Variants in AVEN observed in about 807,000 individuals in gnomAD.
AVEN encodes cell death regulator Aven.
AVEN carries 41 observed loss-of-function variants against 38.1 expected under a neutral mutation model. The ratio of observed to expected loss-of-function variants is 1.08; its 90% CI spans 0.84 to 1.40. The LOEUF is 1.40. Among genes scored for constraint, AVEN ranks in the 40% most tolerant of loss-of-function variants. AVEN has a pLI of 0.00. For missense variants in AVEN, 605 were observed against 438.8 expected (o/e 1.38, Z -3.38); for synonymous variants, 206 against 171.8 (o/e 1.20, Z -1.56).
chr15:33,950,999 C>A (rs1364906363), intron 2 of AVEN, among the ~76,000 whole-genome samples: 1 of 149,724 alleles, frequency 6.7e-6, no homozygotes, highest in Non-Finnish European at 1.5e-5. Flanking sequence ...TAGAGTGATA[C>A]CCTGTCAAGA....
At chr15:33,920,897 C>T (rs1464940642) in intron 2 of AVEN, among the ~76,000 whole-genome samples, 3 of 152,060 alleles carry the variant, frequency 2.0e-5, no homozygotes, top group Admixed American at 1.3e-4. Flanking sequence ...TGCCTCAGCC[C>T]CCCAAGCAGC....
At chr15:33,852,987 G>T in the AVEN span, 3 of 1,445,386 alleles carry the variant, frequency 2.1e-6, no homozygotes, top group East Asian at 4.7e-5. Context: ...AACGTTTCTT[G>T]ATGTGTTTTC....
upstream of AVEN, chr15:34,039,216 G>T: frequency 2.1e-6 from 1 of 481,436 alleles, no homozygotes; most frequent in Non-Finnish European, 2.8e-6. Context: ...GAGCGGGGCG[G>T]GGCGGGGCGG....
At chr15:33,930,797 T>C (rs1268761380) in intron 2 of AVEN, among the ~76,000 whole-genome samples, 2 of 151,836 alleles carry the variant, frequency 1.3e-5, no homozygotes, top group East Asian at 1.9e-4. Context: ...CTACTAAAAA[T>C]ACAAAAAATT....
At chr15:33,885,349 A>T (rs1428920261) in intron 2 of AVEN, among the ~76,000 whole-genome samples, 3 of 152,180 alleles carry the variant, frequency 2.0e-5, no homozygotes, top group Non-Finnish European at 4.4e-5. Context: ...CAATCCAGGG[A>T]AAATCCACAG....
At chr15:33,995,240 G>C (rs532023512) in intron 2 of AVEN, among the ~76,000 whole-genome samples, 28 of 151,988 alleles carry the variant, frequency 1.8e-4, no homozygotes, top group African/African-American at 6.3e-4. Context: ...CTCCAGCCTG[G>C]GTGACAGAGG....
intron 11 of AVEN, among the ~76,000 whole-genome samples, chr15:33,860,073 C>T (rs1289734525): frequency 3.9e-5 from 6 of 151,966 alleles, no homozygotes; most frequent in Non-Finnish European, 8.8e-5. Context: ...AGGGTAGGAG[C>T]AGAGGAGCTG....
At chr15:33,853,526 T>A in the AVEN span, 1 of 1,609,790 alleles carries the variant, frequency 6.2e-7, no homozygotes, top group Non-Finnish European at 8.5e-7. Context: ...GCGTGTGGCC[T>A]GAGCTCACCC....
chr15:33,903,796 G>C (rs1489378680), intron 2 of AVEN, among the ~76,000 whole-genome samples: 1 of 145,810 alleles, frequency 6.9e-6, no homozygotes, highest in Non-Finnish European at 1.5e-5. Flanking sequence ...TAACAATAGG[G>C]ATACATTTTG....
chr15:34,004,271 T>A (rs911638895), intron 1 of AVEN, among the ~76,000 whole-genome samples: 1 of 152,188 alleles, frequency 6.6e-6, no homozygotes, highest in African/African-American at 2.4e-5. Flanking sequence ...GAGAACAGTT[T>A]CCAGTATTGG....
chr15:33,854,366 T>TA (rs749147978), downstream of AVEN: 31 of 1,548,538 alleles, frequency 2.0e-5, no homozygotes, highest in Non-Finnish European at 2.5e-5. Context: ...TTATAAGTTT[T>TA]AAAATCACTT....
Position 33,924,262 on chromosome 15 carries a change from C to T in AVEN, c.446-48267G>A, listed in dbSNP as rs147596120. Among the ~76,000 whole-genome samples, 697 of 150,766 alleles carry T rather than the reference C, an allele frequency of 4.6e-3. 6 individuals are homozygous for T. The highest frequency in any genetic ancestry group is 0.016 in the African/African-American group (666 of 40,928). ...AGAAATGCCTGTAGTCCCACCTACT[C>T]GGGAGGCTGAGGCACAAGAATCATT... On this transcript the variant is annotated intron_variant, in intron 2 of 5. Coordinates refer to ENST00000306730, the MANE Select transcript of AVEN (RefSeq NM_020371.3).
At chr15:34,052,802 C>T (rs1351150261) in intron 5 of AVEN, among the ~76,000 whole-genome samples, 1 of 152,078 alleles carries the variant, frequency 6.6e-6, no homozygotes, top group Non-Finnish European at 1.5e-5. Flanking sequence ...AGTGAAGGAC[C>T]TCTTCAAGGA....
chr15:33,854,316 CT>C, downstream of AVEN: 20 of 1,298,802 alleles, frequency 1.5e-5, no homozygotes, highest in Non-Finnish European at 2.1e-5. Flanking sequence ...AAAAAACTTA[CT>C]TTTTCCCCCT....
rs1900427635 is a variant in AVEN, at chr15:34,063,693, A to G, written n.1127-261T>C. The G allele has an allele frequency of 1.2e-6, 2 of 1,614,174 alleles. No homozygotes were observed. Among genetic ancestry groups the G allele is most frequent in the East Asian group, 4.5e-5 (2 of 44,880 alleles). On this transcript the variant is annotated intron_variant and non_coding_transcript_variant, in intron 4 of 11. Transcript: ENST00000675287. This position sits in a 1 kb window ranked among gnomAD's most constrained non-coding sequence, Gnocchi z 4.1. ...TGACCCTGTCCTCCAAGTGGTCTACAAGAGTCAGGGTAAGGAAAGCCCAGG... is the reference window on the plus strand; with the variant it reads ...TGACCCTGTCCTCCAAGTGGTCTACGAGAGTCAGGGTAAGGAAAGCCCAGG...
intron 2 of AVEN, among the ~76,000 whole-genome samples, chr15:33,917,563 T>TACAC (rs34155332): frequency 2.0e-5 from 3 of 149,422 alleles, no homozygotes; most frequent in African/African-American, 7.4e-5. Context: ...TGTGTATGTA[T>TACAC]ACACACACAC....
intron 1 of AVEN, among the ~76,000 whole-genome samples, chr15:34,023,137 C>T (rs1004755698): frequency 3.9e-5 from 6 of 152,032 alleles, no homozygotes; most frequent in Admixed American, 6.6e-5. Flanking sequence ...ACTGAGATCG[C>T]GCCACTGCGC....
rs1288672891 is a variant in AVEN, at chr15:33,931,074, T to A, written c.446-55079A>T. Among the ~76,000 whole-genome samples, 7 of 152,154 alleles carry A rather than the reference T, an allele frequency of 4.6e-5. No individual in the cohort carries two copies. The East Asian group carries it at 1.3e-3, about 29-fold the overall frequency. On this transcript the variant is annotated intron_variant, in intron 2 of 5. Transcript: ENST00000306730. ...CCATATTTTTACACACCCCTTAGAATAATTAGACGTTAGTACTTTTCTTTT... is the reference window on the plus strand; with the variant it reads ...CCATATTTTTACACACCCCTTAGAAAAATTAGACGTTAGTACTTTTCTTTT...
intron 1 of AVEN, among the ~76,000 whole-genome samples, chr15:34,035,776 G>C (rs975088072): frequency 5.4e-5 from 7 of 130,094 alleles, no homozygotes; most frequent in Admixed American, 2.5e-4. Flanking sequence ...AGTGATAGGG[G>C]GATTATTTAT....
Sources: allele counts gnomAD v4.1 joint callset (sites outside exome capture counted in the v4.1 genomes callset), GRCh38; gene constraint gnomAD v4.1.1; non-coding constraint Gnocchi (gnomAD v3.1); transcripts MANE v1.5; gene names NCBI Gene and HGNC (gene_info 2026-07-23, HGNC 2026-07-21).